CDH18: variants seen among roughly 807,000 people sequenced by gnomAD.
The protein encoded by CDH18 is cadherin-18.
Under a neutral mutation model 67.9 loss-of-function variants are expected in CDH18, and 31 were observed. The observed-to-expected ratio is 0.46, with a 90% confidence interval of 0.34 to 0.62. The LOEUF (loss-of-function observed/expected upper bound fraction) is 0.62. Among genes scored for constraint, CDH18 ranks in the 20% least tolerant of loss-of-function variants. CDH18 has a pLI of 0.01. For missense variants in CDH18, 890 were observed against 975.5 expected, an observed-to-expected ratio of 0.91 and a Z score of 1.17; for synonymous variants, 362 against 347.2, an observed-to-expected ratio of 1.04 and a Z score of -0.48.
At chr5:20,559,955 G>A (rs1355256931) in intron 1 of CDH18, among the ~76,000 whole-genome samples, 1 of 5,752 alleles carries the variant, frequency 1.7e-4, no homozygotes, top group Non-Finnish European at 3.3e-4. Flanking sequence ...TAGGTCTGTT[G>A]CCTAAAGGAG....
chr5:19,798,373 C>A (rs1170291556), intron 3 of CDH18, among the ~76,000 whole-genome samples: 2 of 151,768 alleles, frequency 1.3e-5, no homozygotes, highest in Non-Finnish European at 2.9e-5. Context: ...TGTTAATTTG[C>A]AATTATCTCA....
At chr5:19,566,256 A>AC (rs1740376362) in intron 8 of CDH18, among the ~76,000 whole-genome samples, 1 of 152,112 alleles carries the variant, frequency 6.6e-6, no homozygotes, top group Non-Finnish European at 1.5e-5. Flanking sequence ...AGAAAAGGGA[A>AC]CCCCCATATC....
rs577126895 is a variant in CDH18 at position 20,453,920 on chromosome 5, A to G, written c.-580+121542T>C. 5.9e-5 allele frequency among the ~76,000 whole-genome samples: 9 copies of G among 152,282 alleles called. No individual in the cohort carries two copies. The East Asian group carries it at 9.6e-4, about 16-fold the overall frequency. On this transcript the variant is annotated intron_variant, in intron 1 of 14. Transcript: ENST00000507958. Reference sequence around the variant, plus strand: ...AAAGCCCTGTACATGAAAATATCCAATAACAGTTGCGAAGGGAGATAAAAA... The same window carrying G: ...AAAGCCCTGTACATGAAAATATCCAGTAACAGTTGCGAAGGGAGATAAAAA...
chr5:19,707,374 A>C (rs11948921), intron 5 of CDH18, among the ~76,000 whole-genome samples: 51,190 of 152,088 alleles, frequency 0.34, 8,824 homozygotes, highest in African/African-American at 0.42. Flanking sequence ...CATTGCCTAG[A>C]GTATTCCTTT....
At chr5:20,370,793 C>T (rs1409259975) in intron 1 of CDH18, among the ~76,000 whole-genome samples, 1 of 152,040 alleles carries the variant, frequency 6.6e-6, no homozygotes, top group African/African-American at 2.4e-5. Flanking sequence ...AATCCCAGCA[C>T]TGTGGAAGGC....
chr5:20,267,111 T>C (rs1745100680), intron 1 of CDH18, among the ~76,000 whole-genome samples: 1 of 152,078 alleles, frequency 6.6e-6, no homozygotes, highest in Non-Finnish European at 1.5e-5. Flanking sequence ...TTAAAGAAAA[T>C]GTGCAGAATT....
chr5:19,796,398 T>C (rs895566181), intron 3 of CDH18, among the ~76,000 whole-genome samples: 8 of 152,098 alleles, frequency 5.3e-5, no homozygotes, highest in African/African-American at 1.2e-4. Flanking sequence ...TGTAACACCA[T>C]TGAGACTTAA....
chr5:19,749,122 T>C (rs975386845), intron 3 of CDH18, among the ~76,000 whole-genome samples: 1 of 152,064 alleles, frequency 6.6e-6, no homozygotes, highest in Non-Finnish European at 1.5e-5. Flanking sequence ...GAAGAAAAGA[T>C]TCATCTTTCA....
chr5:19,513,852 A>AT lies in CDH18; in HGVS notation c.1512+6804dup, dbSNP rs530159221. Among the ~76,000 whole-genome samples, 26 of 148,354 alleles carry AT rather than the reference A, an allele frequency of 1.8e-4. No homozygotes were observed. In the Middle Eastern group the frequency reaches 0.018, roughly 100 times the overall value. ...AGTGCATTCCTTTATTTGCAATATG[A>AT]TTTTTTTTTTATACTTTAAGTTCTA... On this transcript the variant is annotated intron_variant, in intron 10 of 12. Coordinates refer to ENST00000382275, the MANE Select transcript of CDH18 (RefSeq NM_004934.5).
At chr5:20,095,382 A>AG (rs1745835411) in intron 2 of CDH18, among the ~76,000 whole-genome samples, 2 of 120,438 alleles carry the variant, frequency 1.7e-5, no homozygotes, top group South Asian at 2.6e-4. Flanking sequence ...AAAGAAAGAA[A>AG]AGAGAAACAG....
intron 3 of CDH18, among the ~76,000 whole-genome samples, chr5:19,756,519 T>C (rs1581212228): frequency 6.6e-6 from 1 of 152,330 alleles, no homozygotes; most frequent in Non-Finnish European, 1.5e-5. Flanking sequence ...TCACAGGGAA[T>C]GATAATACTA....
chr5:20,251,281 T>C (rs938806028), intron 2 of CDH18, among the ~76,000 whole-genome samples: 4 of 152,178 alleles, frequency 2.6e-5, no homozygotes, highest in Non-Finnish European at 5.9e-5. Context: ...ATTTGCATTC[T>C]GGGACAGGAA....
intron 3 of CDH18, among the ~76,000 whole-genome samples, chr5:19,752,928 G>A (rs1053036794): frequency 6.6e-6 from 1 of 152,134 alleles, no homozygotes; most frequent in Admixed American, 6.6e-5. Flanking sequence ...CAGAAGAGAG[G>A]CAGCAATCAC....
intron 4 of CDH18, among the ~76,000 whole-genome samples, chr5:19,736,320 G>T (rs1768316731): frequency 6.6e-6 from 1 of 152,126 alleles, no homozygotes; most frequent in South Asian, 2.1e-4. Context: ...GATCAAGGCT[G>T]CAGTGAGCCA....
chr5:19,705,889 T>C (rs138184527), intron 5 of CDH18, among the ~76,000 whole-genome samples: 1,892 of 152,286 alleles, frequency 0.012, 37 homozygotes, highest in African/African-American at 0.043. Flanking sequence ...ACTGTTTCAA[T>C]TTTTGAAATT....
At chr5:19,752,402 C>A (rs557292046) in intron 3 of CDH18, among the ~76,000 whole-genome samples, 11 of 152,156 alleles carry the variant, frequency 7.2e-5, no homozygotes, top group African/African-American at 2.6e-4. Flanking sequence ...CTGTGACTCC[C>A]GGCTCTCCCC....
intron 1 of CDH18, among the ~76,000 whole-genome samples, chr5:20,535,923 G>T (rs1756688784): frequency 6.6e-6 from 1 of 151,962 alleles, no homozygotes; most frequent in South Asian, 2.1e-4. Flanking sequence ...CAGAAGGCTG[G>T]GCTGTATTTC....
intron 1 of CDH18, among the ~76,000 whole-genome samples, chr5:20,514,797 C>T (rs1755260853): frequency 6.6e-6 from 1 of 152,038 alleles, no homozygotes; most frequent in Admixed American, 6.6e-5. Flanking sequence ...AAGAAAATGT[C>T]ATTTGTCTGA....
intron 1 of CDH18, among the ~76,000 whole-genome samples, chr5:20,268,969 T>G (rs1475514052): frequency 6.6e-6 from 1 of 152,126 alleles, no homozygotes; most frequent in African/African-American, 2.4e-5. Context: ...ATTTGCAAAC[T>G]ATTTCTTCAA....
Sources: gnomAD v4.1 joint callset for allele counts (sites outside exome capture counted in the v4.1 genomes callset) on GRCh38, gnomAD v4.1.1 for gene constraint, MANE v1.5 for transcripts, NCBI Gene and HGNC (gene_info 2026-07-23, HGNC 2026-07-21) for gene names.